Variants in SLC9A7 observed in about 807,000 individuals in gnomAD.
SLC9A7 encodes solute carrier family 9 member A7, also known as sodium/hydrogen exchanger 7.
In SLC9A7, 19 loss-of-function variants were observed where a neutral mutation model predicts 52.6. That is an observed-to-expected ratio of 0.36 (90% CI 0.25 to 0.53). The LOEUF (loss-of-function observed/expected upper bound fraction) is 0.53. Among genes scored for constraint, SLC9A7 ranks in the 20% least tolerant of loss-of-function variants. The pLI is 0.91. For missense variants in SLC9A7, 455 were observed against 597.9 expected, an observed-to-expected ratio of 0.76 and a Z score of 2.49; for synonymous variants, 226 against 252.1, an observed-to-expected ratio of 0.90 and a Z score of 0.98.
chrX:46,721,158 C>T (rs1944853780), intron 1 of SLC9A7, among the ~76,000 whole-genome samples: 1 of 112,002 alleles, frequency 8.9e-6, no homozygotes, highest in African/African-American at 3.2e-5. Context: ...GGTGATCTTA[C>T]AAAATTCCAG....
intron 16 of SLC9A7, among the ~76,000 whole-genome samples, chrX:46,612,964 AAGAG>A (rs1307214398): frequency 4.2e-5 from 4 of 94,290 alleles, no homozygotes; most frequent in East Asian, 3.4e-4. Flanking sequence ...AAAAAAAAAA[AAGAG>A]AGAGAGAAAG....
intron 1 of SLC9A7, among the ~76,000 whole-genome samples, chrX:46,705,664 GTC>G (rs1944593478): frequency 9.0e-6 from 1 of 111,546 alleles, no homozygotes; most frequent in Non-Finnish European, 1.9e-5. Flanking sequence ...GTGAGATGTT[GTC>G]TCTACAAAAA....
chrX:46,706,903 G>A (rs1032613754), intron 1 of SLC9A7, among the ~76,000 whole-genome samples: 92 of 111,344 alleles, frequency 8.3e-4, no homozygotes, highest in African/African-American at 2.9e-3. Context: ...ACCACACCTG[G>A]CTAATTTTTA....
chrX:46,692,077 C>T (rs1244202893), intron 1 of SLC9A7, among the ~76,000 whole-genome samples: 1 of 111,182 alleles, frequency 9.0e-6, no homozygotes, highest in African/African-American at 3.3e-5. Flanking sequence ...AGTAAGCAAC[C>T]TTACTCTATC....
intron 1 of SLC9A7, among the ~76,000 whole-genome samples, chrX:46,748,308 T>G (rs1344830632): frequency 5.0e-5 from 5 of 99,784 alleles, no homozygotes; most frequent in African/African-American, 1.9e-4. Flanking sequence ...ATTGCGCCAT[T>G]GCACTCCGGC....
rs370821805 is a variant in SLC9A7 at position 46,671,317 on chromosome X, A to G, written c.680+1234T>C. 9.9e-4 allele frequency among the ~76,000 whole-genome samples: 109 copies of G among 110,234 alleles called. 2 individuals are homozygous for G. The East Asian group carries it at 1.0e-2, about 10-fold the overall frequency. On this transcript the variant is annotated intron_variant, in intron 4 of 16. Transcript: ENST00000616978. ...ACTCTGTCGCCCAGGCTGGAGTGCA[A>G]TGGCGCAATCTCGGCTCACTGCAAG...
intron 5 of SLC9A7, among the ~76,000 whole-genome samples, chrX:46,665,152 C>T (rs2146824692): frequency 9.1e-6 from 1 of 110,309 alleles, no homozygotes; most frequent in African/African-American, 3.3e-5. Flanking sequence ...AACAAACTGC[C>T]CTCCTCCCTA....
chrX:46,621,098 A>C, intron 14 of SLC9A7, 39 bp from the exon 15 acceptor site: 1 of 951,510 alleles, frequency 1.1e-6, no homozygotes, highest in Non-Finnish European at 1.5e-6. Context: ...AGTTGTACAA[A>C]AGGGATCTCA....
intron 1 of SLC9A7, among the ~76,000 whole-genome samples, chrX:46,715,168 C>A (rs1395634747): frequency 8.9e-6 from 1 of 111,899 alleles, no homozygotes; most frequent in African/African-American, 3.2e-5. Flanking sequence ...TATCTCATTT[C>A]TCTCAATAAG....
At chrX:46,730,699 T>TAGATATATAG (rs1945023326) in intron 1 of SLC9A7, among the ~76,000 whole-genome samples, 1 of 54,638 alleles carries the variant, frequency 1.8e-5, no homozygotes, top group African/African-American at 7.0e-5. Context: ...TATATATATA[T>TAGATATATAG]ATATATATAT....
At chrX:46,725,020 A>G in intron 1 of SLC9A7, 1 of 406,270 alleles carries the variant, frequency 2.5e-6, no homozygotes, top group Non-Finnish European at 4.4e-6. Context: ...AAAATACAAG[A>G]GCAATGTAAT....
intron 7 of SLC9A7, among the ~76,000 whole-genome samples, chrX:46,655,842 G>T (rs1157265352): frequency 8.9e-6 from 1 of 112,623 alleles, no homozygotes; most frequent in Non-Finnish European, 1.9e-5. Context: ...CAAAGCAGCC[G>T]GGAAGCTCGA....
chrX:46,626,908 T>A (rs1943139740), intron 14 of SLC9A7, among the ~76,000 whole-genome samples: 1 of 112,148 alleles, frequency 8.9e-6, no homozygotes, highest in African/African-American at 3.2e-5. Context: ...CTTCATAAAT[T>A]ACCCAGCCTC....
chrX:46,754,441 C>A (rs782064952), intron 1 of SLC9A7, among the ~76,000 whole-genome samples: 74 of 111,941 alleles, frequency 6.6e-4, no homozygotes, highest in African/African-American at 2.2e-3. Context: ...CAACTGGGGC[C>A]AAAGTGAGGG....
chrX:46,752,077 C>T (rs781805379), intron 1 of SLC9A7, among the ~76,000 whole-genome samples: 25 of 111,861 alleles, frequency 2.2e-4, no homozygotes, highest in Non-Finnish European at 4.3e-4. Flanking sequence ...GTATATAAAG[C>T]ATACCCTTTC....
At chrX:46,643,091 A>G (rs1418785255) in intron 12 of SLC9A7, 145 bp downstream of exon 12, 1 of 493,858 alleles carries the variant, frequency 2.0e-6, no homozygotes, top group African/African-American at 2.4e-5. Flanking sequence ...TGTTTTAAAA[A>G]AAATTGTTAA....
At chrX:46,666,350 A>G (rs779952158) in intron 5 of SLC9A7, among the ~76,000 whole-genome samples, 1 of 112,066 alleles carries the variant, frequency 8.9e-6, no homozygotes, top group African/African-American at 3.2e-5. Flanking sequence ...TGTTTGATGC[A>G]CCAGGTACTA....
chrX:46,693,521 G>C (rs1944409021), intron 1 of SLC9A7, among the ~76,000 whole-genome samples: 1 of 110,437 alleles, frequency 9.1e-6, no homozygotes, highest in South Asian at 3.8e-4. Context: ...GGGACAATTG[G>C]ATATCTACAT....
chrX:46,606,787 C>A lies in SLC9A7; in HGVS notation c.*165G>T, dbSNP rs896202835. 20 of 1,103,084 alleles carry A rather than the reference C, an allele frequency of 1.8e-5. No individual in the cohort carries two copies. Among genetic ancestry groups the A allele is most frequent in the Non-Finnish European group, 2.0e-5 (17 of 843,823 alleles). The allele number at this position is 1,103,084 out of a possible 1,213,427, so 90.9% of individuals were successfully genotyped here. ...TTTAGAGACACTTTTGCCTCACCAT[C>A]TGCATTGTGAGTTAAATTTTAAGTG... On this transcript the variant is annotated 3_prime_UTR_variant, in exon 17 of 17. Transcript: ENST00000616978.
Sources: allele counts gnomAD v4.1 joint callset (sites outside exome capture counted in the v4.1 genomes callset), GRCh38; gene constraint gnomAD v4.1.1; transcripts MANE v1.5; gene names NCBI Gene and HGNC (gene_info 2026-07-23, HGNC 2026-07-21).